The following TBC1D19 variants were observed in gnomAD, a reference collection of about 807,000 sequenced individuals.
TBC1D19 encodes TBC1 domain family member 19.
Under a neutral mutation model 89.0 loss-of-function variants are expected in TBC1D19, and 60 were observed. The ratio of observed to expected loss-of-function variants is 0.67; its 90% CI spans 0.55 to 0.84. TBC1D19 has a LOEUF of 0.84. Ranked by LOEUF, TBC1D19 falls within the 40% of genes least tolerant of loss-of-function variation. The pLI is 0.00. For missense variants in TBC1D19, 500 were observed against 610.8 expected (o/e 0.82, Z 1.91); for synonymous variants, 189 against 199.7 (o/e 0.95, Z 0.45).
chr4:26,655,012 C>T (rs1744690761), intron 7 of TBC1D19, among the ~76,000 whole-genome samples: 1 of 151,970 alleles, frequency 6.6e-6, no homozygotes, highest in African/African-American at 2.4e-5. Flanking sequence ...TTTTATCTAC[C>T]TTTGGTCTTT....
At chr4:26,620,587 A>G in intron 3 of TBC1D19, 26 bp from the exon 4 acceptor site, 1 of 1,603,032 alleles carries the variant, frequency 6.2e-7, no homozygotes, top group South Asian at 1.1e-5. Flanking sequence ...AATGTGTGAT[A>G]TTTAGCTGCC....
Position 26,584,084 on chromosome 4 carries a change from A to G in TBC1D19, c.-110A>G. The G allele has an allele frequency of 9.5e-7, 1 of 1,056,916 alleles. No individual in the cohort carries two copies. The highest frequency in any genetic ancestry group is 1.4e-6 in the Non-Finnish European group (1 of 712,702). 65.5% of individuals were successfully genotyped at this position (1,056,916 alleles called of 1,614,324 possible). ...TGGTAACGCCCGCTGGAGGAGTCCC[A>G]GTGTAATAAGGTCCCGGAGAAGTGT... On this transcript the variant is annotated 5_prime_UTR_variant, in exon 1 of 21. Coordinates refer to ENST00000264866, the MANE Select transcript of TBC1D19 (RefSeq NM_018317.4).
the TBC1D19 span, among the ~76,000 whole-genome samples, chr4:26,854,359 C>T: frequency 3.9e-5 from 6 of 152,222 alleles, no homozygotes; most frequent in African/African-American, 1.4e-4. Context: ...ATATAGTACC[C>T]GACCCTAAAA....
the TBC1D19 span, among the ~76,000 whole-genome samples, chr4:26,775,250 G>A: frequency 6.6e-6 from 1 of 152,162 alleles, no homozygotes; most frequent in African/African-American, 2.4e-5. Flanking sequence ...CCAGGAGTTT[G>A]AGACCAGCCT....
the TBC1D19 span, among the ~76,000 whole-genome samples, chr4:26,789,120 T>G: frequency 6.6e-6 from 1 of 152,256 alleles, no homozygotes; most frequent in South Asian, 2.1e-4. Flanking sequence ...GTTTGAATCT[T>G]AGCTCCATCA....
the TBC1D19 span, among the ~76,000 whole-genome samples, chr4:26,814,697 G>A: frequency 6.6e-6 from 1 of 152,110 alleles, no homozygotes; most frequent in Non-Finnish European, 1.5e-5. Context: ...TTAGCATTTT[G>A]TCCAGTGTTT....
intron 1 of TBC1D19, among the ~76,000 whole-genome samples, chr4:26,608,888 A>G (rs1245264056): frequency 6.6e-6 from 1 of 151,638 alleles, no homozygotes; most frequent in African/African-American, 2.4e-5. Flanking sequence ...ACGTATGTTT[A>G]TTGTGGCACT....
intron 8 of TBC1D19, among the ~76,000 whole-genome samples, chr4:26,661,912 C>A (rs559335259): frequency 3.9e-5 from 6 of 152,308 alleles, no homozygotes; most frequent in African/African-American, 1.4e-4. Flanking sequence ...CAATAGGAAT[C>A]ATTTCTTGTA....
intron 15 of TBC1D19, among the ~76,000 whole-genome samples, chr4:26,724,074 G>C (rs868774531): frequency 6.6e-6 from 1 of 152,176 alleles, no homozygotes; most frequent in Non-Finnish European, 1.5e-5. Context: ...ATGGGAGAAC[G>C]TTCCAGAAGA....
intron 20 of TBC1D19, 150 bp downstream of exon 20, chr4:26,754,040 T>A (rs1023810444): frequency 1.5e-5 from 10 of 652,784 alleles, no homozygotes; most frequent in Middle Eastern, 2.5e-4. Flanking sequence ...CTAATAATAC[T>A]TAAGGATTCA....
At chr4:26,856,056 C>G in the TBC1D19 span, among the ~76,000 whole-genome samples, 2 of 127,412 alleles carry the variant, frequency 1.6e-5, no homozygotes, top group Admixed American at 1.6e-4. Context: ...TACAATAGAT[C>G]ACTCAAACAT....
chr4:26,652,531 G>A (rs575433614), intron 7 of TBC1D19, among the ~76,000 whole-genome samples: 19 of 152,208 alleles, frequency 1.2e-4, no homozygotes, highest in Admixed American at 3.9e-4. Context: ...GTGAGCCACC[G>A]CACCCGGCCA....
intron 7 of TBC1D19, among the ~76,000 whole-genome samples, chr4:26,656,848 T>C (rs927288446): frequency 1.3e-5 from 2 of 152,148 alleles, no homozygotes; most frequent in African/African-American, 4.8e-5. Flanking sequence ...CATGAGCTGC[T>C]GCGCCCAGAC....
intron 4 of TBC1D19, among the ~76,000 whole-genome samples, chr4:26,634,317 G>A (rs1044883233): frequency 6.6e-6 from 1 of 151,984 alleles, no homozygotes; most frequent in African/African-American, 2.4e-5. Context: ...TTTTGTATGG[G>A]TCCCATGGCA....
At chr4:26,744,703 C>A (rs139551379) in intron 18 of TBC1D19, among the ~76,000 whole-genome samples, 66 of 152,072 alleles carry the variant, frequency 4.3e-4, no homozygotes, top group African/African-American at 1.6e-3. Context: ...GCATTTATTT[C>A]TGTTTTAATT....
At position 26,739,983 on chromosome 4, in the gene TBC1D19, TA is replaced by T; in HGVS notation, c.1227+12del. 1 of 1,511,644 alleles carries T rather than the reference TA, an allele frequency of 6.6e-7. No individual in the cohort carries two copies. The highest frequency in any genetic ancestry group is 9.0e-7 in the Non-Finnish European group (1 of 1,113,588). The allele number at this position is 1,511,644 out of a possible 1,614,324, so 93.6% of individuals were successfully genotyped here. A position where few individuals can be genotyped will look rare whatever the true frequency, so the allele number is the denominator to read the frequency against. Reference sequence around the variant, plus strand: ...CTCTTCTCATCCTTCTGTAAGTTCATAAGAAAAACTTGATCAAATTAGGTTG... The same window carrying T: ...CTCTTCTCATCCTTCTGTAAGTTCATAGAAAAACTTGATCAAATTAGGTTG... On this transcript the variant is annotated intron_variant, in intron 17 of 20. Transcript: ENST00000264866.
At chr4:26,590,814 T>G (rs1383279834) in intron 1 of TBC1D19, among the ~76,000 whole-genome samples, 7 of 131,070 alleles carry the variant, frequency 5.3e-5, no homozygotes, top group Non-Finnish European at 1.1e-4. Flanking sequence ...TTTTTTTTTT[T>G]TTTTTTTTTT....
chr4:26,661,972 G>A (rs1366395397), intron 8 of TBC1D19, among the ~76,000 whole-genome samples: 1 of 152,146 alleles, frequency 6.6e-6, no homozygotes, highest in African/African-American at 2.4e-5. Context: ...CCACACAGGT[G>A]GCTAAGGCCT....
At chr4:26,733,182 A>T (rs912652938) in intron 15 of TBC1D19, among the ~76,000 whole-genome samples, 3 of 152,234 alleles carry the variant, frequency 2.0e-5, no homozygotes, top group African/African-American at 4.8e-5. Context: ...CCAGCTCAGA[A>T]TAATTTGGCT....
Sources: gnomAD v4.1 joint callset for allele counts (sites outside exome capture counted in the v4.1 genomes callset) on GRCh38, gnomAD v4.1.1 for gene constraint, MANE v1.5 for transcripts, NCBI Gene and HGNC (gene_info 2026-07-23, HGNC 2026-07-21) for gene names.